Variants in ADGRL3 observed in about 807,000 individuals in gnomAD.
ADGRL3 encodes calcium-independent alpha-latrotoxin receptor 3.
Under a neutral mutation model 153.5 loss-of-function variants are expected in ADGRL3, and 62 were observed. That is an observed-to-expected ratio of 0.40 (90% CI 0.33 to 0.50). ADGRL3 has a LOEUF of 0.50. Ranked by LOEUF, ADGRL3 falls within the 20% of genes least tolerant of loss-of-function variation. ADGRL3 has a pLI of 0.47. For missense variants in ADGRL3, 1,641 were observed against 1,859.4 expected (o/e 0.88, Z 2.16); for synonymous variants, 710 against 672.5 (o/e 1.06, Z -0.86).
chr4:62,004,888 AT>A (rs2099152510), intron 21 of ADGRL3, among the ~76,000 whole-genome samples: 1 of 151,960 alleles, frequency 6.6e-6, no homozygotes, highest in Non-Finnish European at 1.5e-5. Context: ...CTGTTTTCCC[AT>A]TTTTTTCTGT....
At chr4:61,702,077 G>T (rs547165428) in intron 6 of ADGRL3, among the ~76,000 whole-genome samples, 2 of 152,270 alleles carry the variant, frequency 1.3e-5, no homozygotes, top group East Asian at 1.9e-4. Flanking sequence ...GGGGTCACTT[G>T]CAGGGCTGAC....
intron 9 of ADGRL3, among the ~76,000 whole-genome samples, chr4:61,815,039 A>G (rs539025447): frequency 1.3e-5 from 2 of 152,302 alleles, no homozygotes; most frequent in South Asian, 4.1e-4. Context: ...TTTCTAAGGT[A>G]CTGACAGTGA....
chr4:61,721,677 A>G lies in ADGRL3; in HGVS notation c.584-8945A>G, dbSNP rs1011520658. ...CACTCAGTGCTAACCATCACAGTAT[A>G]TTTGAGGGTTTTACATGCACAGTCA... On this transcript the variant is annotated intron_variant, in intron 6 of 26. Coordinates refer to ENST00000683033, the MANE Select transcript of ADGRL3 (RefSeq NM_001387552.1). 3.3e-5 allele frequency among the ~76,000 whole-genome samples: 5 copies of G among 152,186 alleles called. 1 individual carries two copies. Among genetic ancestry groups the G allele is most frequent in the Non-Finnish European group, 4.4e-5 (3 of 68,032 alleles).
chr4:61,947,258 T>C, intron 16 of ADGRL3, 136 bp downstream of exon 16: 2 of 705,744 alleles, frequency 2.8e-6, no homozygotes, highest in Non-Finnish European at 4.6e-6. Context: ...AATGTAGTGG[T>C]AATTTTTTTG....
At chr4:61,785,293 C>CT (rs892067338) in intron 8 of ADGRL3, among the ~76,000 whole-genome samples, 3 of 152,098 alleles carry the variant, frequency 2.0e-5, no homozygotes, top group African/African-American at 4.8e-5. Context: ...ATAAAATATA[C>CT]TTTTTTTATT....
chr4:61,384,390 T>C (rs181378792), intron 2 of ADGRL3, among the ~76,000 whole-genome samples: 10 of 151,502 alleles, frequency 6.6e-5, no homozygotes, highest in Admixed American at 5.9e-4. Context: ...AGAATAGATG[T>C]GATTGACTCT....
At chr4:61,766,903 A>T (rs13152130) in intron 8 of ADGRL3, among the ~76,000 whole-genome samples, 3 of 151,978 alleles carry the variant, frequency 2.0e-5, no homozygotes, top group South Asian at 2.1e-4. Flanking sequence ...GATCCTGAAC[A>T]AACTTGTAAG....
intron 5 of ADGRL3, among the ~76,000 whole-genome samples, chr4:61,659,018 C>T (rs1198698889): frequency 6.6e-6 from 1 of 152,126 alleles, no homozygotes; most frequent in African/African-American, 2.4e-5. Context: ...TTGTTTGCCT[C>T]TTCTTAGCTT....
intron 10 of ADGRL3, among the ~76,000 whole-genome samples, chr4:61,893,709 C>CTTTTT (rs34248874): frequency 2.8e-4 from 27 of 97,434 alleles, no homozygotes; most frequent in African/African-American, 6.9e-4. Flanking sequence ...ATTTCTTTGC[C>CTTTTT]TTTTTTTTTT....
At chr4:61,456,021 G>A (rs577375293) in intron 2 of ADGRL3, among the ~76,000 whole-genome samples, 1 of 151,920 alleles carries the variant, frequency 6.6e-6, no homozygotes, top group Admixed American at 6.6e-5. Flanking sequence ...TCTCCACGTT[G>A]GCCAGGCTGG....
At chr4:61,308,582 T>G (rs1314721830) in intron 1 of ADGRL3, among the ~76,000 whole-genome samples, 1 of 152,174 alleles carries the variant, frequency 6.6e-6, no homozygotes, top group Non-Finnish European at 1.5e-5. Flanking sequence ...TAACTGCATC[T>G]GAAATTCACA....
chr4:61,591,865 C>G (rs931502007), intron 5 of ADGRL3, among the ~76,000 whole-genome samples: 1 of 151,590 alleles, frequency 6.6e-6, no homozygotes, highest in African/African-American at 2.4e-5. Flanking sequence ...TTGCTTGATT[C>G]CAGGAGTTCA....
At chr4:61,244,399 G>A (rs936759332) in intron 1 of ADGRL3, among the ~76,000 whole-genome samples, 6 of 151,840 alleles carry the variant, frequency 4.0e-5, no homozygotes, top group African/African-American at 9.7e-5. Flanking sequence ...TCTCCATAAG[G>A]CCTAATAGGT....
At chr4:62,006,373 T>C (rs1344530711) in intron 21 of ADGRL3, among the ~76,000 whole-genome samples, 1 of 151,564 alleles carries the variant, frequency 6.6e-6, no homozygotes, top group Non-Finnish European at 1.5e-5. Flanking sequence ...GACTCCAGGG[T>C]TTTTGGCTTG....
intron 6 of ADGRL3, among the ~76,000 whole-genome samples, chr4:61,730,068 C>T (rs2096413505): frequency 6.6e-6 from 1 of 151,932 alleles, no homozygotes; most frequent in African/African-American, 2.4e-5. Context: ...GATCATTCAA[C>T]ATTAATGTGT....
At chr4:61,558,445 C>T (rs1259452447) in intron 4 of ADGRL3, among the ~76,000 whole-genome samples, 4 of 151,772 alleles carry the variant, frequency 2.6e-5, no homozygotes, top group Non-Finnish European at 2.9e-5. Flanking sequence ...ATATTGCTTT[C>T]GGTTCCCACT....
At chr4:61,593,970 G>T (rs2149434868) in intron 5 of ADGRL3, among the ~76,000 whole-genome samples, 1 of 151,940 alleles carries the variant, frequency 6.6e-6, no homozygotes, top group East Asian at 1.9e-4. Context: ...TATTTTCTAG[G>T]CATGCTTATT....
intron 2 of ADGRL3, among the ~76,000 whole-genome samples, chr4:61,437,150 G>A (rs2097457825): frequency 6.6e-6 from 1 of 151,936 alleles, no homozygotes; most frequent in South Asian, 2.1e-4. Flanking sequence ...TTATGTTTAA[G>A]GTAAAATAGT....
intron 19 of ADGRL3, among the ~76,000 whole-genome samples, chr4:61,994,912 T>A (rs1328577659): frequency 6.6e-6 from 1 of 151,558 alleles, no homozygotes; most frequent in Non-Finnish European, 1.5e-5. Context: ...TCAACTTTGG[T>A]TTTCTTTTTT....
Sources: gnomAD v4.1 joint callset for allele counts (sites outside exome capture counted in the v4.1 genomes callset) on GRCh38, gnomAD v4.1.1 for gene constraint, MANE v1.5 for transcripts, NCBI Gene and HGNC (gene_info 2026-07-23, HGNC 2026-07-21) for gene names.